Variants in USP34 observed in about 807,000 individuals in gnomAD.
USP34 encodes the protein ubiquitin carboxyl-terminal hydrolase 34.
In USP34, 70 loss-of-function variants were observed where a neutral mutation model predicts 460.3. That is an observed-to-expected ratio of 0.15 (90% CI 0.13 to 0.19). USP34 has a LOEUF of 0.19. USP34 is among the 10% of genes least tolerant of loss of function. The probability of loss-of-function intolerance (pLI) is 1.00; values close to 1 mark genes in which losing one functional copy is unlikely to be tolerated. For synonymous variants in USP34, 1,647 were observed against 1,405.3 expected, an observed-to-expected ratio of 1.17 and a Z score of -3.85; for missense variants, 3,985 against 4,236.2, an observed-to-expected ratio of 0.94 and a Z score of 1.65.
intron 27 of USP34, among the ~76,000 whole-genome samples, chr2:61,310,161 T>G (rs1690542834): frequency 6.6e-6 from 1 of 152,200 alleles, no homozygotes; most frequent in African/African-American, 2.4e-5. Flanking sequence ...GGTACGTGGA[T>G]TTTCACTTTA....
chr2:61,298,296 C>T (rs1367889769), intron 29 of USP34, among the ~76,000 whole-genome samples: 5 of 137,110 alleles, frequency 3.6e-5, no homozygotes, highest in African/African-American at 1.1e-4. Flanking sequence ...CAGAGGTGGG[C>T]GGATCACAAG....
chr2:61,356,738 G>C (rs1298044622), intron 10 of USP34, among the ~76,000 whole-genome samples: 3 of 152,146 alleles, frequency 2.0e-5, no homozygotes, highest in Non-Finnish European at 4.4e-5. Context: ...GAGAGTTGTT[G>C]TTCAATGGGT....
chr2:61,430,527 T>C (rs1195635058), intron 1 of USP34, among the ~76,000 whole-genome samples: 1 of 152,238 alleles, frequency 6.6e-6, no homozygotes, highest in African/African-American at 2.4e-5. Flanking sequence ...AACTGGGTGA[T>C]GGAAATGTTC....
intron 20 of USP34, among the ~76,000 whole-genome samples, 194 bp downstream of exon 20, chr2:61,331,082 C>A (rs1691246130): frequency 6.6e-6 from 1 of 152,080 alleles, no homozygotes; most frequent in African/African-American, 2.4e-5. Flanking sequence ...GCTACATTTA[C>A]CTAAGAATTT....
At chr2:61,443,711 G>A (rs376082411) in intron 1 of USP34, among the ~76,000 whole-genome samples, 2 of 152,124 alleles carry the variant, frequency 1.3e-5, no homozygotes, top group African/African-American at 2.4e-5. Context: ...AGGATTTTAG[G>A]GTAGTGAAAC....
chr2:61,240,566 C>T (rs1312148431), intron 53 of USP34, among the ~76,000 whole-genome samples: 1 of 151,910 alleles, frequency 6.6e-6, no homozygotes, highest in Non-Finnish European at 1.5e-5. Flanking sequence ...GCATGAGCCA[C>T]CGCGCCCAGC....
chr2:61,450,875 C>T (rs1175573476), intron 1 of USP34, among the ~76,000 whole-genome samples: 1 of 127,958 alleles, frequency 7.8e-6, no homozygotes, highest in African/African-American at 3.1e-5. Context: ...CCAATAGAAA[C>T]GGAGGAGATG....
chr2:61,261,357 T>C lies in USP34; in HGVS notation c.5779-1581A>G, dbSNP rs181057111. Among the ~76,000 whole-genome samples the C allele has an allele frequency of 1.8e-4, 28 of 152,318 alleles. No individual in the cohort carries two copies. In the East Asian group the frequency reaches 5.4e-3, roughly 29 times the overall value. On this transcript the variant is annotated intron_variant, in intron 43 of 79. Transcript: ENST00000398571. Reference sequence around the variant, plus strand: ...AGAACTTCTGACACATACAACAGCATGGATAACCCTTGAAGATATCCTAAG... The same window carrying C: ...AGAACTTCTGACACATACAACAGCACGGATAACCCTTGAAGATATCCTAAG...
chr2:61,259,640 C>G, intron 44 of USP34, 71 bp downstream of exon 44: 1 of 1,457,784 alleles, frequency 6.9e-7, no homozygotes. Context: ...CCCACCTTGG[C>G]CTCCCAAAAT....
intron 1 of USP34, among the ~76,000 whole-genome samples, chr2:61,435,307 C>CAAAAAAAAAAAAAAAAAAAA: frequency 2.4e-5 from 1 of 40,954 alleles, no homozygotes; most frequent in Non-Finnish European, 4.2e-5. Flanking sequence ...GACCTTGTTT[C>CAAAAAAAAAAAAAAAAAAAA]AAAAAAAAAA....
At chr2:61,245,101 T>A in intron 51 of USP34, 109 bp downstream of exon 51, 3 of 696,206 alleles carry the variant, frequency 4.3e-6, no homozygotes, top group Non-Finnish European at 7.1e-6. Flanking sequence ...AATTTTTGAT[T>A]TAATCATAGC....
chr2:61,416,998 T>C lies in USP34; in HGVS notation c.131+3748A>G, dbSNP rs544502560. 8.5e-5 allele frequency: 112 copies of C among 1,320,792 alleles called. No homozygotes were observed. In the South Asian group the frequency reaches 9.2e-4, roughly 11 times the overall value. 81.8% of individuals were successfully genotyped at this position (1,320,792 alleles called of 1,614,324 possible). On this transcript the variant is annotated intron_variant, in intron 2 of 79. Transcript: ENST00000398571. ...CACCATATCTTCAAATTCATCGGCA[T>C]TGAACTTGGTGAAGCCCCACTTCTT...
At chr2:61,319,369 C>CA (rs779043608) in intron 21 of USP34, 42 bp from the exon 22 acceptor site, 3 of 1,388,776 alleles carry the variant, frequency 2.2e-6, no homozygotes, top group South Asian at 1.7e-5. Flanking sequence ...TAACTACATA[C>CA]AAAAAAATTA....
intron 7 of USP34, 59 bp downstream of exon 7, chr2:61,380,110 A>G: frequency 6.7e-7 from 1 of 1,496,658 alleles, no homozygotes; most frequent in Admixed American, 1.9e-5. Context: ...AGTGGGTAGT[A>G]TTATGATAGA....
intron 1 of USP34, among the ~76,000 whole-genome samples, chr2:61,452,388 G>A (rs1430570702): frequency 7.8e-5 from 11 of 141,188 alleles, no homozygotes; most frequent in East Asian, 2.3e-4. Context: ...GTAGTGGCGC[G>A]ATCTCAGCTC....
intron 18 of USP34, among the ~76,000 whole-genome samples, chr2:61,337,317 T>A (rs1691452253): frequency 6.6e-6 from 1 of 152,222 alleles, no homozygotes; most frequent in South Asian, 2.1e-4. Context: ...TTCAACCAAG[T>A]TGTTCCATGT....
intron 65 of USP34, 31 bp from the exon 66 acceptor site, chr2:61,221,637 G>T (rs769345812): frequency 6.3e-7 from 1 of 1,591,314 alleles, no homozygotes; most frequent in Admixed American, 1.7e-5. Flanking sequence ...TGTGTATTTA[G>T]ATCAATCTGA....
intron 10 of USP34, among the ~76,000 whole-genome samples, chr2:61,351,063 A>T (rs910664485): frequency 1.3e-5 from 2 of 152,174 alleles, no homozygotes; most frequent in African/African-American, 4.8e-5. Flanking sequence ...TCTCTGTAAA[A>T]AATACATTTT....
At chr2:61,203,053 G>T in intron 75 of USP34, 87 bp downstream of exon 75, 47 of 1,298,200 alleles carry the variant, frequency 3.6e-5, no homozygotes, top group Non-Finnish European at 4.7e-5. Context: ...AGAAAAAAAG[G>T]ATTGTCTCAT....
Sources: gnomAD v4.1 joint callset for allele counts (sites outside exome capture counted in the v4.1 genomes callset) on GRCh38, gnomAD v4.1.1 for gene constraint, MANE v1.5 for transcripts, NCBI Gene and HGNC (gene_info 2026-07-23, HGNC 2026-07-21) for gene names.